Variants in SULF1 observed in about 807,000 individuals in gnomAD.
SULF1 encodes sulfatase 1.
A neutral mutation model predicts 110.5 loss-of-function variants in SULF1; 46 were observed. That is an observed-to-expected ratio of 0.42 (90% CI 0.33 to 0.53). The LOEUF (loss-of-function observed/expected upper bound fraction) is 0.53, where lower values mean the gene tolerates loss of function less well. SULF1 is among the 20% of genes least tolerant of loss of function. The probability of loss-of-function intolerance (pLI) is 0.12; values close to 1 mark genes in which losing one functional copy is unlikely to be tolerated. For synonymous variants in SULF1, 371 were observed against 387.1 expected (o/e 0.96, Z 0.49); for missense variants, 941 against 1,094.2 (o/e 0.86, Z 1.98).
intron 5 of SULF1, among the ~76,000 whole-genome samples, chr8:69,567,637 C>T (rs759745361): frequency 3.3e-5 from 5 of 152,302 alleles, no homozygotes; most frequent in Middle Eastern, 6.8e-3. Flanking sequence ...GTCCTCAAGG[C>T]TCATCCATGT....
chr8:69,587,356 C>T (rs1425137889), intron 7 of SULF1, among the ~76,000 whole-genome samples: 2 of 152,064 alleles, frequency 1.3e-5, no homozygotes, highest in African/African-American at 4.8e-5. Context: ...TGGTAGAAAT[C>T]GGAAGGAGAG....
chr8:69,617,441 T>A (rs1260552320), intron 13 of SULF1, among the ~76,000 whole-genome samples: 1 of 110,816 alleles, frequency 9.0e-6, no homozygotes, highest in Non-Finnish European at 1.8e-5. Flanking sequence ...ATATGTTTTT[T>A]TTTTTTTTGG....
chr8:69,608,545 C>T (rs756283089), intron 13 of SULF1, among the ~76,000 whole-genome samples: 1 of 152,024 alleles, frequency 6.6e-6, no homozygotes, highest in Non-Finnish European at 1.5e-5. Flanking sequence ...ATTAGCCAGG[C>T]GTGGTGGTGG....
intron 3 of SULF1, among the ~76,000 whole-genome samples, chr8:69,561,134 C>G (rs1815455210): frequency 6.6e-6 from 1 of 151,956 alleles, no homozygotes; most frequent in South Asian, 2.1e-4. Flanking sequence ...AATGTTATCA[C>G]TACAAAAAAA....
At chr8:69,550,919 A>C (rs1176193257) in intron 3 of SULF1, among the ~76,000 whole-genome samples, 1 of 152,144 alleles carries the variant, frequency 6.6e-6, no homozygotes, top group South Asian at 2.1e-4. Context: ...ACTCTTCCAC[A>C]GTGTGGGATG....
At chr8:69,490,793 A>AG (rs36024690), upstream of SULF1, among the ~76,000 whole-genome samples, 74,805 of 152,008 alleles carry the variant, frequency 0.49, 20,235 homozygotes, top group African/African-American at 0.71. Flanking sequence ...CCATCTGTAA[A>AG]CGAAAACAAA....
intron 19 of SULF1, 35 bp from the exon 20 acceptor site, chr8:69,638,467 T>C (rs1292123403): frequency 6.2e-7 from 1 of 1,601,890 alleles, no homozygotes; most frequent in Non-Finnish European, 8.5e-7. Context: ...TTTCACTCTT[T>C]TTGTTTTGTT....
At chr8:69,526,956 A>G (rs1033868248) in intron 3 of SULF1, among the ~76,000 whole-genome samples, 4 of 152,188 alleles carry the variant, frequency 2.6e-5, no homozygotes, top group African/African-American at 9.6e-5. Flanking sequence ...AGATAGAAAA[A>G]ATAATAATAG....
At chr8:69,642,094 C>A in intron 22 of SULF1, 1 of 436,792 alleles carries the variant, frequency 2.3e-6, no homozygotes, top group Non-Finnish European at 3.0e-6. Context: ...AGAAAAACAT[C>A]CGTCAAAGAA....
At chr8:69,490,057 T>G (rs1809865725), upstream of SULF1, among the ~76,000 whole-genome samples, 1 of 151,962 alleles carries the variant, frequency 6.6e-6, no homozygotes, top group Non-Finnish European at 1.5e-5. Flanking sequence ...TTATACCACG[T>G]TGGACAAGGC....
chr8:69,599,918 G>T (rs1807655466), intron 8 of SULF1, among the ~76,000 whole-genome samples: 1 of 152,082 alleles, frequency 6.6e-6, no homozygotes, highest in Admixed American at 6.6e-5. Context: ...AACCTATCCT[G>T]GAACAATAGG....
At chr8:69,636,468 C>A (rs1326557420) in intron 19 of SULF1, among the ~76,000 whole-genome samples, 1 of 151,518 alleles carries the variant, frequency 6.6e-6, no homozygotes, top group Admixed American at 6.6e-5. Context: ...ACCCAGGAGG[C>A]GGAGCTTGCA....
In SULF1 at chr8:69,627,224, C is replaced by T. The variant is rs767871372; in HGVS notation, c.1865C>T (p.Pro622Leu). 13 of 1,613,710 alleles carry T rather than the reference C, an allele frequency of 8.1e-6. No homozygotes were observed. In the South Asian group the frequency reaches 1.4e-4, roughly 18 times the overall value. ...TTGTTTTGCAGGTGTTTTATTCTTC[C>T]CAATGACTCTATCCATTGTGAGAGA... is the stretch of plus-strand genomic sequence containing the variant. ...VRVTHKCFIL[P>L]NDSIHCEREL... The change falls in exon 16 of 23, where the codon CCC (proline) becomes CTC (leucine). Residue 622 changes from proline to leucine, a missense_variant. Pro to Leu is a moderately conservative substitution (Grantham distance 98). Transcript: ENST00000402687.
upstream of SULF1, among the ~76,000 whole-genome samples, chr8:69,489,438 TC>T (rs1254519102): frequency 1.3e-5 from 2 of 152,002 alleles, no homozygotes; most frequent in East Asian, 3.9e-4. Flanking sequence ...CATCTTTAAC[TC>T]TTTACTTAAT....
At chr8:69,545,040 AAAAT>A (rs1554574654) in intron 3 of SULF1, among the ~76,000 whole-genome samples, 1 of 151,976 alleles carries the variant, frequency 6.6e-6, no homozygotes, top group Non-Finnish European at 1.5e-5. Flanking sequence ...ATGGCATAAT[AAAAT>A]ATACTTGAAT....
chr8:69,633,136 C>T (rs1452503613), intron 19 of SULF1, among the ~76,000 whole-genome samples: 2 of 152,008 alleles, frequency 1.3e-5, no homozygotes, highest in South Asian at 2.1e-4. Context: ...TTTGGAGGTC[C>T]AAAACATTTT....
At chr8:69,538,690 T>C (rs1411627600) in intron 3 of SULF1, among the ~76,000 whole-genome samples, 1 of 143,200 alleles carries the variant, frequency 7.0e-6, no homozygotes, top group Admixed American at 7.0e-5. Flanking sequence ...TATTTTCTTT[T>C]TTCTTTTTTT....
chr8:69,650,851 G>T (rs1812281259), intron 22 of SULF1, among the ~76,000 whole-genome samples: 1 of 151,964 alleles, frequency 6.6e-6, no homozygotes, highest in African/African-American at 2.4e-5. Flanking sequence ...AGGTTCATAT[G>T]GCATTTTTGC....
chr8:69,467,896 G>A (rs879937014), intron 1 of SULF1, among the ~76,000 whole-genome samples: 15 of 152,198 alleles, frequency 9.9e-5, no homozygotes, highest in African/African-American at 2.9e-4. Context: ...GCGAGTAGCC[G>A]TAACGGCTCT....
Sources: allele counts gnomAD v4.1 joint callset (sites outside exome capture counted in the v4.1 genomes callset), GRCh38; gene constraint gnomAD v4.1.1; transcripts MANE v1.5; gene names NCBI Gene and HGNC (gene_info 2026-07-23, HGNC 2026-07-21).